VPS53: variants seen among roughly 807,000 people sequenced by gnomAD.
The protein encoded by VPS53 is VPS53 subunit of GARP complex, also known as vacuolar protein sorting-associated protein 53 homolog.
A neutral mutation model predicts 107.0 loss-of-function variants in VPS53; 70 were observed. The ratio of observed to expected loss-of-function variants is 0.65; its 90% confidence interval spans 0.54 to 0.80. The LOEUF is 0.80. Ranked by LOEUF, VPS53 falls within the 30% of genes least tolerant of loss-of-function variation. The probability of loss-of-function intolerance (pLI) is 0.00; values close to 1 mark genes in which losing one functional copy is unlikely to be tolerated. For synonymous variants in VPS53, 409 were observed against 393.3 expected, an observed-to-expected ratio of 1.04 and a Z score of -0.47; for missense variants, 917 against 1,049.4, an observed-to-expected ratio of 0.87 and a Z score of 1.74.
intron 2 of VPS53, among the ~76,000 whole-genome samples, chr17:708,746 T>G (rs1973513567): frequency 1.3e-5 from 2 of 152,220 alleles, no homozygotes; most frequent in Non-Finnish European, 2.9e-5. Context: ...AGGTTCTCAC[T>G]GTTGTCTTCT....
At chr17:656,761 T>C (rs1423459429) in intron 5 of VPS53, 3 of 949,224 alleles carry the variant, frequency 3.2e-6, no homozygotes, top group African/African-American at 1.6e-5. Context: ...TTTAATTACG[T>C]ACAAAGATCT....
At chr17:525,747 C>T (rs1909080466) in intron 19 of VPS53, among the ~76,000 whole-genome samples, 1 of 151,682 alleles carries the variant, frequency 6.6e-6, no homozygotes, top group African/African-American at 2.4e-5. Context: ...CCTGCAATCC[C>T]AGAACTTTGG....
At chr17:543,434 T>C (rs998131041) in intron 17 of VPS53, among the ~76,000 whole-genome samples, 3 of 152,148 alleles carry the variant, frequency 2.0e-5, no homozygotes, top group Non-Finnish European at 4.4e-5. Flanking sequence ...TGTTTTTTCC[T>C]AAAACTACCA....
intron 13 of VPS53, among the ~76,000 whole-genome samples, chr17:568,873 C>T (rs1440715223): frequency 6.6e-6 from 1 of 152,266 alleles, no homozygotes; most frequent in African/African-American, 2.4e-5. Flanking sequence ...CAGGTGCACA[C>T]ACAGCTATAG....
chr17:621,810 G>C (rs887273396), intron 11 of VPS53, among the ~76,000 whole-genome samples: 2 of 151,928 alleles, frequency 1.3e-5, no homozygotes, highest in African/African-American at 4.8e-5. Flanking sequence ...TTATGTTTCT[G>C]GTCTCTTTTT....
At chr17:714,318 A>G in intron 1 of VPS53, 2 of 394,820 alleles carry the variant, frequency 5.1e-6, no homozygotes, top group South Asian at 3.6e-5. Context: ...AGTCCCCAGA[A>G]TCTGAGGATG....
intron 7 of VPS53, among the ~76,000 whole-genome samples, chr17:644,273 C>G (rs1232102224): frequency 2.0e-5 from 3 of 152,190 alleles, no homozygotes; most frequent in African/African-American, 7.2e-5. Flanking sequence ...GCAAAGATTT[C>G]AGAACACAAC....
intron 13 of VPS53, among the ~76,000 whole-genome samples, chr17:582,321 G>A (rs1478034566): frequency 6.8e-6 from 1 of 147,280 alleles, no homozygotes; most frequent in African/African-American, 2.5e-5. Flanking sequence ...AGGACCTAAT[G>A]CATTCCCAGA....
intron 4 of VPS53, among the ~76,000 whole-genome samples, chr17:679,929 CCT>C (rs1176011524): frequency 6.6e-6 from 1 of 151,902 alleles, no homozygotes; most frequent in Non-Finnish European, 1.5e-5. Context: ...AGGTGGATCA[CCT>C]GAGGTCAGGA....
chr17:540,802 A>G (rs1019278375), intron 17 of VPS53, among the ~76,000 whole-genome samples: 1 of 152,048 alleles, frequency 6.6e-6, no homozygotes, highest in African/African-American at 2.4e-5. Flanking sequence ...ACAAGAAGAG[A>G]CTGCAGGGCC....
intron 7 of VPS53, 38 bp downstream of exon 7, chr17:653,253 C>CAT: frequency 6.3e-7 from 1 of 1,593,560 alleles, no homozygotes; most frequent in Middle Eastern, 1.7e-4. Flanking sequence ...GCCGGATCTG[C>CAT]GGAATCCCCA....
rs547362638 is a variant in VPS53 at position 565,596 on chromosome 17, T to C, written c.1314-2851A>G. Among the ~76,000 whole-genome samples the C allele has an allele frequency of 1.7e-4, 26 of 151,860 alleles. No homozygotes were observed. In the South Asian group the frequency reaches 5.2e-3, roughly 30 times the overall value. ...GCCACCACTCTTGTTCCTCATAACC[T>C]CTCTTGCCTCACTTTCCCACTGAAT... On this transcript the variant is annotated intron_variant, in intron 13 of 21. Transcript: ENST00000437048.
intron 7 of VPS53, 139 bp downstream of exon 7, chr17:653,152 C>T: frequency 5.8e-6 from 9 of 1,560,744 alleles, no homozygotes; most frequent in Non-Finnish European, 7.8e-6. Flanking sequence ...TATACTTTCC[C>T]TCCGGTGACA....
chr17:542,009 G>A (rs917748297), intron 17 of VPS53, among the ~76,000 whole-genome samples: 1 of 147,922 alleles, frequency 6.8e-6, no homozygotes, highest in African/African-American at 2.5e-5. Flanking sequence ...CTGAAGGAAC[G>A]TTTATCAAGC....
intron 14 of VPS53, 142 bp from the exon 15 acceptor site, chr17:560,715 T>C: frequency 1.1e-6 from 1 of 949,152 alleles, no homozygotes; most frequent in Non-Finnish European, 1.5e-6. Flanking sequence ...ATGAGTCCTT[T>C]TCCTACTGAC....
At chr17:533,226 C>A (rs1349427674) in intron 18 of VPS53, among the ~76,000 whole-genome samples, 1 of 152,208 alleles carries the variant, frequency 6.6e-6, no homozygotes, top group Non-Finnish European at 1.5e-5. Context: ...ATGATCGAAG[C>A]TAGCCCAATC....
Position 561,620 on chromosome 17 carries a change from AATTT to A in VPS53, c.1556+879_1556+882del, listed in dbSNP as rs886382578. ...CTCTTTGGGTAGTGGGATTATACAT[AATTT>A]ATTTATTTATTTATTTATTTTTTAG... On this transcript the variant is annotated intron_variant, in intron 14 of 21. Transcript: ENST00000437048. Among the ~76,000 whole-genome samples the A allele has an allele frequency of 2.1e-4, 32 of 152,136 alleles. 1 individual carries two copies. Among genetic ancestry groups the A allele is most frequent in the East Asian group, 3.9e-4 (2 of 5,184 alleles).
intron 11 of VPS53, chr17:616,404 C>T (rs930917690): frequency 6.6e-6 from 1 of 152,238 alleles, no homozygotes; most frequent in Non-Finnish European, 1.5e-5. Flanking sequence ...AGGAGAGCAA[C>T]AACTGAACAA....
chr17:664,035 A>C (rs951420933), intron 4 of VPS53, among the ~76,000 whole-genome samples: 5 of 152,116 alleles, frequency 3.3e-5, no homozygotes, highest in Non-Finnish European at 7.4e-5. Flanking sequence ...ACAAATCGGG[A>C]CCTGCAGGAT....
Sources: gnomAD v4.1 joint callset for allele counts (sites outside exome capture counted in the v4.1 genomes callset) on GRCh38, gnomAD v4.1.1 for gene constraint, MANE v1.5 for transcripts, NCBI Gene and HGNC (gene_info 2026-07-23, HGNC 2026-07-21) for gene names.